CEP112: variants seen among roughly 807,000 people sequenced by gnomAD.
CEP112 encodes centrosomal protein 112.
A neutral mutation model predicts 153.0 loss-of-function variants in CEP112; 127 were observed. That is an observed-to-expected ratio of 0.83 (90% CI 0.72 to 0.96). CEP112 has a LOEUF of 0.96. Ranked by LOEUF, CEP112 falls within the 40% of genes least tolerant of loss-of-function variation. The pLI, the probability that CEP112 is intolerant of heterozygous loss-of-function variation, is 0.00. For synonymous variants in CEP112, 358 were observed against 374.4 expected (o/e 0.96, Z 0.51); for missense variants, 1,089 against 1,101.2 (o/e 0.99, Z 0.16).
chr17:65,777,299 A>G (rs1162254823), intron 21 of CEP112, among the ~76,000 whole-genome samples: 1 of 152,184 alleles, frequency 6.6e-6, no homozygotes, highest in Non-Finnish European at 1.5e-5. Context: ...CCTGAATGTG[A>G]GAGAAATAAA....
intron 6 of CEP112, among the ~76,000 whole-genome samples, chr17:66,128,029 G>A (rs1046349690): frequency 1.3e-5 from 2 of 151,996 alleles, no homozygotes; most frequent in African/African-American, 2.4e-5. Context: ...GGCCAGGCGC[G>A]GTGGCCCACA....
intron 23 of CEP112, among the ~76,000 whole-genome samples, chr17:65,734,902 C>T (rs576442981): frequency 8.3e-4 from 126 of 152,304 alleles, no homozygotes; most frequent in African/African-American, 2.6e-3. Context: ...ATTACACTAA[C>T]ATCCATTGGT....
At chr17:65,932,775 A>T (rs1330754946) in intron 18 of CEP112, among the ~76,000 whole-genome samples, 2 of 152,124 alleles carry the variant, frequency 1.3e-5, no homozygotes, top group African/African-American at 2.4e-5. Context: ...CACCAAGGGG[A>T]TGATGCTAAA....
intron 21 of CEP112, 47 bp from the exon 22 acceptor site, chr17:65,750,771 T>C (rs768702768): frequency 1.3e-6 from 2 of 1,561,896 alleles, no homozygotes; most frequent in Non-Finnish European, 1.8e-6. Flanking sequence ...CCTGTGAGCT[T>C]GGTATCTCTT....
chr17:65,694,185 G>C (rs1316173313), intron 23 of CEP112, among the ~76,000 whole-genome samples: 2 of 152,184 alleles, frequency 1.3e-5, no homozygotes, highest in Non-Finnish European at 2.9e-5. Flanking sequence ...AAAATGAGAA[G>C]AGGTTCTAAA....
intron 21 of CEP112, among the ~76,000 whole-genome samples, chr17:65,761,557 A>G (rs181904955): frequency 1.5e-3 from 228 of 152,204 alleles, no homozygotes; most frequent in Middle Eastern, 3.4e-3. Flanking sequence ...TTTCTCTTTA[A>G]TCACTGCTTT....
At chr17:65,661,464 A>G (rs1252197426) in intron 24 of CEP112, among the ~76,000 whole-genome samples, 2 of 152,198 alleles carry the variant, frequency 1.3e-5, no homozygotes, top group East Asian at 1.9e-4. Context: ...GCTTATCCAT[A>G]GTCACACAGC....
chr17:65,656,405 T>G (rs554726400), intron 24 of CEP112, among the ~76,000 whole-genome samples: 12 of 152,350 alleles, frequency 7.9e-5, no homozygotes, highest in Non-Finnish European at 1.5e-4. Flanking sequence ...TTCTGTCACT[T>G]GCAACCCAAA....
intron 4 of CEP112, among the ~76,000 whole-genome samples, chr17:66,150,060 A>ATT (rs772359218): frequency 2.1e-4 from 26 of 123,024 alleles, no homozygotes; most frequent in Admixed American, 1.1e-3. Flanking sequence ...TGCCCAGCTA[A>ATT]TTTTTTTTTT....
At chr17:65,724,955 T>C (rs1397319105) in intron 23 of CEP112, among the ~76,000 whole-genome samples, 1 of 152,162 alleles carries the variant, frequency 6.6e-6, no homozygotes. Flanking sequence ...CTAAATGACT[T>C]CCTTGCCCTC....
chr17:65,674,598 G>A (rs889242000), intron 24 of CEP112, among the ~76,000 whole-genome samples: 4 of 152,208 alleles, frequency 2.6e-5, no homozygotes, highest in African/African-American at 7.2e-5. Context: ...TACACTCTAG[G>A]AGTAGGAGTG....
intron 17 of CEP112, among the ~76,000 whole-genome samples, chr17:65,986,734 T>C (rs9284373): frequency 1 from 151,674 of 152,266 alleles, 75,543 homozygotes; most frequent in Middle Eastern, 1. Flanking sequence ...GATATATCAC[T>C]AGTAAAGCAG....
At position 65,859,225 on chromosome 17, in the gene CEP112, C is replaced by T. The variant is rs188722016; in HGVS notation, c.2164-7191G>A. On this transcript the variant is annotated intron_variant, in intron 20 of 26. Transcript: ENST00000535342. ...TTGAGAGGCCGAGGCGGGCAGATCA[C>T]GAAGTCAGGAGTTCAAAACCAGCCT... Among the ~76,000 whole-genome samples, 136 of 151,916 alleles carry T rather than the reference C, an allele frequency of 9.0e-4. 1 individual carries two copies. Among genetic ancestry groups the T allele is most frequent in the African/African-American group, 2.8e-3 (118 of 41,448 alleles).
In CEP112 at chr17:66,070,450, T is replaced by C. The variant is rs9898647; in HGVS notation, c.769-449A>G. Among the ~76,000 whole-genome samples, 817 of 152,264 alleles carry C rather than the reference T, an allele frequency of 5.4e-3. 6 individuals are homozygous for C. The highest frequency in any genetic ancestry group is 0.019 in the African/African-American group (782 of 41,554). On this transcript the variant is annotated intron_variant, in intron 8 of 26. Transcript: ENST00000535342. ...ACTCTAATTAACCTACATATGTAAA[T>C]ATGACTTGAGAATGAATATCCATAA...
intron 21 of CEP112, among the ~76,000 whole-genome samples, chr17:65,818,803 C>T (rs1598676758): frequency 6.6e-6 from 1 of 151,838 alleles, no homozygotes; most frequent in South Asian, 2.1e-4. Context: ...AATGATTTCA[C>T]AAAACAATAC....
chr17:66,005,782 G>T lies in CEP112; in HGVS notation c.1657-13C>A, dbSNP rs915514905. On this transcript the variant is annotated splice_polypyrimidine_tract_variant and intron_variant, in intron 16 of 26. Transcript: ENST00000535342. ...GCAAGTCATGAGCCTGCCATGACAA[G>T]AACATGGAAAATTTATTGGAAGACG... 4 of 1,585,542 alleles carry T rather than the reference G, an allele frequency of 2.5e-6. No individual in the cohort carries two copies. Among genetic ancestry groups the T allele is most frequent in the Admixed American group, 3.7e-5 (2 of 53,504 alleles).
intron 23 of CEP112, among the ~76,000 whole-genome samples, chr17:65,695,599 A>G (rs754764349): frequency 6.6e-6 from 1 of 152,244 alleles, no homozygotes; most frequent in Non-Finnish European, 1.5e-5. Flanking sequence ...ACACAAGTTC[A>G]TTTCAATTAT....
intron 21 of CEP112, among the ~76,000 whole-genome samples, chr17:65,839,186 GACACACACAT>G (rs942925919): frequency 1.3e-5 from 2 of 151,658 alleles, no homozygotes; most frequent in African/African-American, 4.8e-5. Flanking sequence ...ACCCGACAAG[GACACACACAT>G]ACACACACAC....
chr17:65,818,259 T>G (rs189337577), intron 21 of CEP112, among the ~76,000 whole-genome samples: 2 of 151,890 alleles, frequency 1.3e-5, no homozygotes, highest in African/African-American at 4.8e-5. Context: ...TTTCCTCAGG[T>G]AGGCAGCCCT....
Sources: gnomAD v4.1 joint callset for allele counts (sites outside exome capture counted in the v4.1 genomes callset) on GRCh38, gnomAD v4.1.1 for gene constraint, MANE v1.5 for transcripts, NCBI Gene and HGNC (gene_info 2026-07-23, HGNC 2026-07-21) for gene names.